TOX: variants seen among roughly 807,000 people sequenced by gnomAD.
TOX encodes thymocyte selection associated high mobility group box.
TOX carries 11 observed loss-of-function variants against 53.7 expected under a neutral mutation model. The observed-to-expected ratio is 0.20, with a 90% CI of 0.13 to 0.34. The LOEUF (loss-of-function observed/expected upper bound fraction) is 0.34. Among genes scored for constraint, TOX ranks in the 10% least tolerant of loss-of-function variants. The pLI is 1.00. For synonymous variants in TOX, 225 were observed against 245.3 expected, an observed-to-expected ratio of 0.92 and a Z score of 0.77; for missense variants, 570 against 664.6, an observed-to-expected ratio of 0.86 and a Z score of 1.56.
chr8:58,861,102 A>G (rs1811002767), intron 3 of TOX, among the ~76,000 whole-genome samples: 2 of 152,208 alleles, frequency 1.3e-5, no homozygotes, highest in Admixed American at 6.5e-5. Flanking sequence ...ACCGTGCTTC[A>G]GTGAGCCCTT....
At position 58,806,858 on chromosome 8, in the gene TOX, C is replaced by G. The variant is rs953010709; in HGVS notation, c.*889G>C. The stretch of plus-strand genomic sequence containing the variant: ...TCCATAAAAAAAGATTAAATACAGA[C>G]ACAGTATGAAGAAACAATAAGACAG... On this transcript the variant is annotated 3_prime_UTR_variant, in exon 9 of 9. Coordinates refer to ENST00000361421, the MANE Select transcript of TOX (RefSeq NM_014729.3). The G allele has an allele frequency of 1.3e-5, 2 of 152,488 alleles. No individual in the cohort carries two copies. The highest frequency in any genetic ancestry group is 2.9e-5 in the Non-Finnish European group (2 of 68,002). 9.4% of individuals were successfully genotyped at this position (152,488 alleles called of 1,614,324 possible).
At chr8:59,031,364 A>G (rs1472963463) in intron 1 of TOX, among the ~76,000 whole-genome samples, 2 of 152,224 alleles carry the variant, frequency 1.3e-5, no homozygotes, top group African/African-American at 4.8e-5. Context: ...TTTCACACCA[A>G]CTGGGCATAC....
intron 3 of TOX, among the ~76,000 whole-genome samples, chr8:58,890,325 C>T (rs1299213868): frequency 2.0e-5 from 3 of 152,100 alleles, no homozygotes; most frequent in Admixed American, 1.3e-4. Context: ...TACAAGAGCA[C>T]ACTGGCAGGA....
intron 1 of TOX, among the ~76,000 whole-genome samples, chr8:59,047,203 GTTTTTTTTTTTTTTTTTT>G (rs10551461): frequency 2.2e-5 from 1 of 44,684 alleles, no homozygotes; most frequent in East Asian, 6.9e-4. Flanking sequence ...ACCAAGAATT[GTTTTTTTTTTTTTTTTTT>G]TTTTTTTTTT....
At chr8:59,074,628 GA>G (rs1248906722) in intron 1 of TOX, among the ~76,000 whole-genome samples, 1 of 152,144 alleles carries the variant, frequency 6.6e-6, no homozygotes, top group Non-Finnish European at 1.5e-5. Context: ...ACTGCTTCTG[GA>G]TGTTGTAGAC....
intron 1 of TOX, among the ~76,000 whole-genome samples, chr8:58,970,003 A>G (rs575504716): frequency 6.6e-6 from 1 of 152,338 alleles, no homozygotes; most frequent in Non-Finnish European, 1.5e-5. Context: ...ACCACCTAGT[A>G]TGGTCTTGTT....
chr8:58,965,800 G>A (rs1812884768), intron 1 of TOX, among the ~76,000 whole-genome samples: 1 of 148,054 alleles, frequency 6.8e-6, no homozygotes, highest in South Asian at 2.2e-4. Flanking sequence ...CTTAGATGAT[G>A]CATTATAATA....
chr8:58,902,957 T>G (rs912905219), intron 3 of TOX, among the ~76,000 whole-genome samples: 3 of 152,234 alleles, frequency 2.0e-5, no homozygotes, highest in African/African-American at 7.2e-5. Context: ...GACTTTGTAC[T>G]ACCCTCTGTC....
chr8:58,923,652 C>T lies in TOX; in HGVS notation c.411+15650G>A, dbSNP rs532330933. Reference sequence around the variant, plus strand: ...CTTAAAGGGAGAGTGATGCTTTAAACTGTTGCATGATTTTCTGAATACATA... The same window carrying T: ...CTTAAAGGGAGAGTGATGCTTTAAATTGTTGCATGATTTTCTGAATACATA... On this transcript the variant is annotated intron_variant, in intron 3 of 8. Transcript: ENST00000361421. Among the ~76,000 whole-genome samples, 89 of 152,286 alleles carry T rather than the reference C, an allele frequency of 5.8e-4. 1 individual carries two copies. Among genetic ancestry groups the T allele is most frequent in the South Asian group, 1.2e-3 (6 of 4,816 alleles).
intron 3 of TOX, among the ~76,000 whole-genome samples, chr8:58,896,376 A>T (rs4738730): frequency 0.55 from 82,856 of 151,950 alleles, 23,130 homozygotes; most frequent in African/African-American, 0.65. Context: ...CCATATTAGC[A>T]CAACATTAAA....
intron 3 of TOX, among the ~76,000 whole-genome samples, chr8:58,867,001 A>G (rs1410403022): frequency 6.6e-6 from 1 of 152,226 alleles, no homozygotes; most frequent in Non-Finnish European, 1.5e-5. Context: ...GGGAAAAGTG[A>G]GAAACTTGCA....
intron 3 of TOX, among the ~76,000 whole-genome samples, chr8:58,875,843 C>T (rs1481409816): frequency 6.6e-6 from 1 of 152,098 alleles, no homozygotes. Context: ...GAGGATGTGA[C>T]CAGATGATTC....
intron 3 of TOX, among the ~76,000 whole-genome samples, chr8:58,873,775 T>C (rs763801455): frequency 1.6e-4 from 25 of 151,928 alleles, no homozygotes; most frequent in Non-Finnish European, 2.9e-4. Context: ...GTTAGTAGAA[T>C]ATCTGACTAC....
chr8:59,028,358 CATA>C (rs1429961435), intron 1 of TOX, among the ~76,000 whole-genome samples: 2 of 151,762 alleles, frequency 1.3e-5, no homozygotes, highest in Non-Finnish European at 2.9e-5. Flanking sequence ...CATTTGGAGC[CATA>C]ATTCAGAAAA....
At chr8:58,933,424 A>G (rs541973258) in intron 3 of TOX, among the ~76,000 whole-genome samples, 161 of 152,322 alleles carry the variant, frequency 1.1e-3, no homozygotes, top group African/African-American at 3.8e-3. Flanking sequence ...CTGCTAAAAT[A>G]GTTCCGTAGT....
rs187253221 is a variant in TOX at position 59,029,072 on chromosome 8, G to A, written c.103-69064C>T. 1.9e-3 allele frequency among the ~76,000 whole-genome samples: 284 copies of A among 152,184 alleles called. 4 individuals carry two copies. Among genetic ancestry groups the A allele is most frequent in the African/African-American group, 5.4e-3 (225 of 41,520 alleles). On this transcript the variant is annotated intron_variant, in intron 1 of 8. Transcript: ENST00000361421. The stretch of plus-strand genomic sequence containing the variant: ...CTTTACAACTAAAGTACTTTCCCTC[G>A]GAGGAAATCGTACTGTCATTTGTTT...
intron 3 of TOX, among the ~76,000 whole-genome samples, chr8:58,884,052 T>C (rs960730331): frequency 6.6e-6 from 1 of 152,144 alleles, no homozygotes; most frequent in Non-Finnish European, 1.5e-5. Context: ...TCTATTTTCG[T>C]CAAACCACCA....
Position 58,905,449 on chromosome 8 carries a change from T to C in TOX, c.411+33853A>G, listed in dbSNP as rs1293938474. 3.9e-5 allele frequency among the ~76,000 whole-genome samples: 6 copies of C among 152,336 alleles called. No homozygotes were observed. In the East Asian group the frequency reaches 5.8e-4, roughly 15 times the overall value. On this transcript the variant is annotated intron_variant, in intron 3 of 8. Transcript: ENST00000361421. ...GCCTTTGGAAAAAAATCTTTAATTA[T>C]AGTTTCCTAGAGTTTGCTTTGTTTT...
chr8:59,042,259 A>G (rs1297223942), intron 1 of TOX, among the ~76,000 whole-genome samples: 3 of 152,222 alleles, frequency 2.0e-5, no homozygotes, highest in Admixed American at 2.0e-4. Flanking sequence ...AAGTTCTTCA[A>G]CCAAACAGCA....
Sources: allele counts gnomAD v4.1 joint callset (sites outside exome capture counted in the v4.1 genomes callset), GRCh38; gene constraint gnomAD v4.1.1; transcripts MANE v1.5; gene names NCBI Gene and HGNC (gene_info 2026-07-23, HGNC 2026-07-21).